Variants in SLC11A1 observed in about 807,000 individuals in gnomAD.
SLC11A1 encodes the protein solute carrier family 11 member 1, also known as natural resistance-associated macrophage protein 1.
SLC11A1 carries 59 observed loss-of-function variants against 63.2 expected under a neutral mutation model. That is an observed-to-expected ratio of 0.93 (90% CI 0.76 to 1.16). The LOEUF is 1.16. SLC11A1 is among the 50% of genes most tolerant of loss of function. SLC11A1 has a pLI of 0.00. For synonymous variants in SLC11A1, 305 were observed against 307.8 expected, an observed-to-expected ratio of 0.99 and a Z score of 0.09; for missense variants, 688 against 730.7, an observed-to-expected ratio of 0.94 and a Z score of 0.67.
intron 11 of SLC11A1, 193 bp from the exon 12 acceptor site, chr2:218,392,788 G>A: frequency 2.0e-6 from 1 of 501,028 alleles, no homozygotes; most frequent in East Asian, 3.5e-5. Flanking sequence ...TCAGCAACCA[G>A]CTATGGGATG....
Position 218,382,389 on chromosome 2 carries a change from C to G in SLC11A1, c.7+14C>G. 6.2e-7 allele frequency: 1 copy of G among 1,613,290 alleles called. No individual in the cohort carries two copies. The highest frequency in any genetic ancestry group is 8.5e-7 in the Non-Finnish European group (1 of 1,179,502). The stretch of plus-strand genomic sequence containing the variant: ...TTTCAATGACAGGTGAGTAGTGGCC[C>G]CTAGGGACAGAGCCTGATTGGGGGG... On this transcript the variant is annotated intron_variant, in intron 1 of 14. Coordinates refer to ENST00000233202, the MANE Select transcript of SLC11A1 (RefSeq NM_000578.4).
chr2:218,385,317 C>T, intron 4 of SLC11A1, 51 bp downstream of exon 4: 1 of 1,611,000 alleles, frequency 6.2e-7, no homozygotes, highest in South Asian at 1.1e-5. Context: ...AAACCCCAAA[C>T]AGCCATTTTC....
chr2:218,382,273 A>G lies in SLC11A1; in HGVS notation c.-96A>G. ...GATGGGTAACAGGGCGTGGGCTGGC[A>G]CACTTACTTGCACCAGTGCCCAGAG... On this transcript the variant is annotated 5_prime_UTR_variant, in exon 1 of 15. Transcript: ENST00000233202. The G allele has an allele frequency of 9.8e-6, 14 of 1,421,444 alleles. No individual in the cohort carries two copies. Among genetic ancestry groups the G allele is most frequent in the Non-Finnish European group, 1.4e-5 (14 of 1,024,958 alleles). The allele number at this position is 1,421,444 out of a possible 1,614,324, so 88.1% of individuals were successfully genotyped here.
chr2:218,388,092 G>C (rs2106332898), intron 8 of SLC11A1, 137 bp downstream of exon 8: 2 of 1,107,582 alleles, frequency 1.8e-6, no homozygotes, highest in East Asian at 5.3e-5. Flanking sequence ...GGGACAGGCG[G>C]GGCGCCATGG....
At position 218,395,327 on chromosome 2, in the gene SLC11A1, A is replaced by T; in HGVS notation, c.*292A>T. On this transcript the variant is annotated 3_prime_UTR_variant, in exon 15 of 15. Coordinates refer to ENST00000233202, the MANE Select transcript of SLC11A1 (RefSeq NM_000578.4). ...ACAAACGAAAAACATTTCAAAAGGT[A>T]TTTATTGAGCACCTGCAGGCGTGAC... 1 of 379,818 alleles carries T rather than the reference A, an allele frequency of 2.6e-6. No homozygotes were observed. The highest frequency in any genetic ancestry group is 4.9e-6 in the Non-Finnish European group (1 of 205,516). The allele number at this position is 379,818 out of a possible 1,614,324, so 23.5% of individuals were successfully genotyped here.
chr2:218,383,017 C>G lies in SLC11A1; in HGVS notation c.65C>G (p.Thr22Ser), dbSNP rs1419087517. The G allele has an allele frequency of 6.2e-7, 1 of 1,612,804 alleles. No homozygotes were observed. Among genetic ancestry groups the G allele is most frequent in the East Asian group, 2.2e-5 (1 of 44,878 alleles). The change falls in exon 2 of 15, where the codon ACC (threonine) becomes AGC (serine). Residue 22 changes from threonine to serine, a missense_variant. Thr to Ser is a moderately conservative substitution (Grantham distance 58). Coordinates refer to ENST00000233202, the MANE Select transcript of SLC11A1 (RefSeq NM_000578.4). ...GSSYGSISSP[T>S]SPTSPGPQQA... ...AGCTATGGTTCCATCTCCAGCCCGACCAGCCCGACCAGCCCAGGGCCACAG... is the reference window on the plus strand; with the variant it reads ...AGCTATGGTTCCATCTCCAGCCCGAGCAGCCCGACCAGCCCAGGGCCACAG...
intron 6 of SLC11A1, 74 bp downstream of exon 6, chr2:218,387,304 G>A (rs1462173235): frequency 6.3e-6 from 9 of 1,428,372 alleles, no homozygotes; most frequent in Middle Eastern, 1.8e-4. Context: ...CTCTGACATC[G>A]AACAGCCTGG....
chr2:218,394,506 C>A, intron 13 of SLC11A1, 126 bp from the exon 14 acceptor site: 1 of 1,074,386 alleles, frequency 9.3e-7, no homozygotes, highest in Non-Finnish European at 1.4e-6. Context: ...GCTCCAGGTC[C>A]CACAGACCAG....
intron 11 of SLC11A1, chr2:218,392,615 C>T (rs544361987): frequency 9.9e-5 from 18 of 182,538 alleles, no homozygotes; most frequent in Non-Finnish European, 1.4e-4. Flanking sequence ...GGATTACAGA[C>T]GTGAGCCACC....
chr2:218,386,822 A>G (rs762217800), intron 5 of SLC11A1, 81 bp downstream of exon 5: 299 of 1,039,842 alleles, frequency 2.9e-4, no homozygotes, highest in Non-Finnish European at 4.2e-4. Context: ...AGTCCCTCCC[A>G]GAGTCTATTT....
In SLC11A1 at chr2:218,395,244, C is replaced by G. The variant is rs1696695882; in HGVS notation, c.*209C>G. On this transcript the variant is annotated 3_prime_UTR_variant, in exon 15 of 15. Transcript: ENST00000233202. The stretch of plus-strand genomic sequence containing the variant: ...CATCTGTAAAATGGAGACACCACCA[C>G]CCTTGCCATGGAGGTTAAGCACTTT... 1 of 574,752 alleles carries G rather than the reference C, an allele frequency of 1.7e-6. No homozygotes were observed. The highest frequency in any genetic ancestry group is 3.1e-6 in the Non-Finnish European group (1 of 321,614). The allele number at this position is 574,752 out of a possible 1,614,324, so 35.6% of individuals were successfully genotyped here.
chr2:218,395,112 C>A lies in SLC11A1; in HGVS notation c.*77C>A. The stretch of plus-strand genomic sequence containing the variant: ...TGGATGTGGAGGGGGCGCGTGCAGG[C>A]AGCAGGATAGAGTGGGACAGTTCCT... On this transcript the variant is annotated 3_prime_UTR_variant, in exon 15 of 15. Coordinates refer to ENST00000233202, the MANE Select transcript of SLC11A1 (RefSeq NM_000578.4). 3 of 1,160,532 alleles carry A rather than the reference C, an allele frequency of 2.6e-6. No homozygotes were observed. The highest frequency in any genetic ancestry group is 3.7e-6 in the Non-Finnish European group (3 of 804,838). The allele number at this position is 1,160,532 out of a possible 1,614,324, so 71.9% of individuals were successfully genotyped here.
chr2:218,388,008 G>A, intron 8 of SLC11A1, 53 bp downstream of exon 8: 2 of 1,501,928 alleles, frequency 1.3e-6, no homozygotes, highest in Non-Finnish European at 1.8e-6. Flanking sequence ...GAGCCATGCT[G>A]GCTCCGCCTC....
intron 11 of SLC11A1, chr2:218,391,848 C>G (rs1392576249): frequency 3.6e-6 from 1 of 276,088 alleles, no homozygotes; most frequent in Non-Finnish European, 7.1e-6. Flanking sequence ...GTCTTGAACT[C>G]TTGACCTCAA....
At chr2:218,391,332 C>G in intron 10 of SLC11A1, 44 bp from the exon 11 acceptor site, 1 of 1,613,946 alleles carries the variant, frequency 6.2e-7, no homozygotes, top group East Asian at 2.2e-5. Flanking sequence ...AGAGGCTCCC[C>G]GCCTCGGGCA....
chr2:218,394,583 G>T (rs1206308141), intron 13 of SLC11A1, 49 bp from the exon 14 acceptor site: 28 of 1,595,412 alleles, frequency 1.8e-5, no homozygotes, highest in Non-Finnish European at 2.4e-5. Flanking sequence ...GTTGATGCAG[G>T]TGGGCCAGCA....
At chr2:218,387,283 T>A in intron 6 of SLC11A1, 53 bp downstream of exon 6, 1 of 1,516,050 alleles carries the variant, frequency 6.6e-7, no homozygotes, top group Non-Finnish European at 9.1e-7. Context: ...GGTGCTGTAC[T>A]GGGAGAAGGG....
At chr2:218,391,064 G>A (rs1268175268) in intron 9 of SLC11A1, 134 bp from the exon 10 acceptor site, 1 of 711,310 alleles carries the variant, frequency 1.4e-6, no homozygotes, top group Non-Finnish European at 2.5e-6. Context: ...TATTTTGTTA[G>A]CCAAACAAAA....
rs1696414075 is a variant in SLC11A1 at position 218,391,187 on chromosome 2, G to A, written c.955-11G>A. On this transcript the variant is annotated splice_polypyrimidine_tract_variant and intron_variant, in intron 9 of 14. Transcript: ENST00000233202. Reference sequence around the variant, plus strand: ...CCTCACATCTTCCTTCTACTGCCCTGGTACCCACAGTTCAACATCTGTGCC... The same window carrying A: ...CCTCACATCTTCCTTCTACTGCCCTAGTACCCACAGTTCAACATCTGTGCC... 6.2e-7 allele frequency: 1 copy of A among 1,612,972 alleles called. No homozygotes were observed. The highest frequency in any genetic ancestry group is 1.1e-5 in the South Asian group (1 of 91,068).
Sources: allele counts gnomAD v4.1 joint callset, GRCh38; gene constraint gnomAD v4.1.1; transcripts MANE v1.5; gene names NCBI Gene and HGNC (gene_info 2026-07-23, HGNC 2026-07-21).